Variants in RPH3A observed in about 807,000 individuals in gnomAD.
The protein encoded by RPH3A is rabphilin 3A, also known as rabphilin-3A.
RPH3A carries 48 observed loss-of-function variants against 102.2 expected under a neutral mutation model. The ratio of observed to expected loss-of-function variants is 0.47; its 90% confidence interval spans 0.37 to 0.60. RPH3A has a LOEUF of 0.60. Ranked by LOEUF, RPH3A falls within the 20% of genes least tolerant of loss-of-function variation. The pLI is 0.00. For missense variants in RPH3A, 781 were observed against 910.1 expected, an observed-to-expected ratio of 0.86 and a Z score of 1.83; for synonymous variants, 310 against 324.3, an observed-to-expected ratio of 0.96 and a Z score of 0.47.
At chr12:112,686,917 AGCCCAGAAGTTT>A (rs2040268894) in intron 1 of RPH3A, among the ~76,000 whole-genome samples, 1 of 152,084 alleles carries the variant, frequency 6.6e-6, no homozygotes, top group Middle Eastern at 3.2e-3. Flanking sequence ...GGATTGCTTG[AGCCCAGAAGTTT>A]GCGACACCGT....
intron 1 of RPH3A, among the ~76,000 whole-genome samples, chr12:112,715,854 G>T (rs1173395926): frequency 6.6e-6 from 1 of 152,172 alleles, no homozygotes; most frequent in African/African-American, 2.4e-5. Flanking sequence ...AGTCCTGAGG[G>T]CTGCTGGTTA....
intron 10 of RPH3A, among the ~76,000 whole-genome samples, chr12:112,872,363 T>C (rs2042723607): frequency 6.6e-6 from 1 of 152,226 alleles, no homozygotes; most frequent in Non-Finnish European, 1.5e-5. Context: ...GAGACACAGC[T>C]ATTCAAGTCC....
At chr12:112,604,984 T>A (rs892538955) in intron 1 of RPH3A, among the ~76,000 whole-genome samples, 4 of 152,222 alleles carry the variant, frequency 2.6e-5, no homozygotes, top group Non-Finnish European at 2.9e-5. Flanking sequence ...TGCTTTATTC[T>A]GTTTGGTAGA....
chr12:112,848,570 G>C (rs1327269178), intron 5 of RPH3A, among the ~76,000 whole-genome samples: 1 of 152,182 alleles, frequency 6.6e-6, no homozygotes, highest in Non-Finnish European at 1.5e-5. Context: ...TAAGACTCTT[G>C]TAAGTGTTGG....
chr12:112,789,160 A>AT (rs2041071366), upstream of RPH3A, among the ~76,000 whole-genome samples: 1 of 152,192 alleles, frequency 6.6e-6, no homozygotes, highest in Admixed American at 6.5e-5. Flanking sequence ...TCTGTCTCAA[A>AT]TAAAACAAAC....
chr12:112,680,606 C>T (rs1166209617), intron 1 of RPH3A, among the ~76,000 whole-genome samples: 1 of 152,146 alleles, frequency 6.6e-6, no homozygotes, highest in Non-Finnish European at 1.5e-5. Context: ...CATTCCCATC[C>T]CACCACCTCT....
intron 5 of RPH3A, among the ~76,000 whole-genome samples, chr12:112,848,488 G>A (rs1448388537): frequency 1.3e-5 from 2 of 152,128 alleles, no homozygotes; most frequent in Non-Finnish European, 2.9e-5. Context: ...TGGATCTTGG[G>A]CATGTTGCTT....
chr12:112,838,061 A>G (rs1194904393), intron 4 of RPH3A, among the ~76,000 whole-genome samples: 1 of 152,056 alleles, frequency 6.6e-6, no homozygotes, highest in Non-Finnish European at 1.5e-5. Context: ...CAACAAATAC[A>G]CTCTAGTATG....
At chr12:112,837,822 T>C in intron 4 of RPH3A, 2 of 455,804 alleles carry the variant, frequency 4.4e-6, no homozygotes, top group Non-Finnish European at 4.4e-6. Flanking sequence ...AGCATGTTCA[T>C]CCTCTTCCCC....
At position 112,859,223 on chromosome 12, in the gene RPH3A, G is replaced by C. The variant is rs2042467527; in HGVS notation, c.231-6191G>C. On this transcript the variant is annotated intron_variant, in intron 5 of 21. Transcript: ENST00000389385. ...TTCTGTCTCAGGATCTGAGAATCCG[G>C]AATGCTGCACATGAGAGGAAACTTG... Among the ~76,000 whole-genome samples the C allele has an allele frequency of 2.0e-5, 3 of 152,172 alleles. No individual in the cohort carries two copies. The South Asian group carries it at 6.2e-4, about 32-fold the overall frequency.
At chr12:112,687,089 G>A (rs983777119) in intron 1 of RPH3A, among the ~76,000 whole-genome samples, 7 of 152,224 alleles carry the variant, frequency 4.6e-5, no homozygotes, top group African/African-American at 1.7e-4. Context: ...CACCACTCCA[G>A]CCTGAGTGAC....
At chr12:112,867,781 G>A (rs1425980872) in intron 7 of RPH3A, among the ~76,000 whole-genome samples, 1 of 152,184 alleles carries the variant, frequency 6.6e-6, no homozygotes, top group East Asian at 1.9e-4. Flanking sequence ...TTTGCCCAGA[G>A]AACTCTTCAG....
At chr12:112,690,661 C>A (rs2040299559) in intron 1 of RPH3A, among the ~76,000 whole-genome samples, 1 of 152,116 alleles carries the variant, frequency 6.6e-6, no homozygotes, top group African/African-American at 2.4e-5. Context: ...TAAATATGGA[C>A]CAATCAATGT....
At chr12:112,877,350 A>G (rs371112628) in intron 13 of RPH3A, among the ~76,000 whole-genome samples, 1 of 152,080 alleles carries the variant, frequency 6.6e-6, no homozygotes, top group African/African-American at 2.4e-5. Context: ...TTGAATGCCT[A>G]CAATGTACCT....
intron 1 of RPH3A, among the ~76,000 whole-genome samples, chr12:112,719,787 C>T (rs1028513798): frequency 4.6e-5 from 7 of 152,130 alleles, no homozygotes; most frequent in African/African-American, 9.7e-5. Context: ...TGTGTTCTTA[C>T]GTTTGATTAA....
chr12:112,659,509 T>C (rs900045161), intron 1 of RPH3A, among the ~76,000 whole-genome samples: 4 of 152,214 alleles, frequency 2.6e-5, no homozygotes, highest in Non-Finnish European at 5.9e-5. Context: ...TTGCATCTTG[T>C]GGGGTGGCAC....
rs1555209147 is a variant in RPH3A, at chr12:112,791,867, G to GGGGAGAGAGAGAGAGAGAGA, written c.-284_-283insGGAGAGAGAGAGAGAGAGAG. 14 of 48,484 alleles carry GGGGAGAGAGAGAGAGAGAGA rather than the reference G, an allele frequency of 2.9e-4. No individual in the cohort carries two copies. Among genetic ancestry groups the GGGGAGAGAGAGAGAGAGAGA allele is most frequent in the African/African-American group, 8.6e-4 (9 of 10,408 alleles). The allele number at this position is 48,484 out of a possible 1,614,324, so 3.0% of individuals were successfully genotyped here. On this transcript the variant is annotated 5_prime_UTR_variant, in exon 1 of 22. Coordinates refer to ENST00000389385, the MANE Select transcript of RPH3A (RefSeq NM_001143854.2). ...CGCGGACTGGAAAGGAAGGGAGAAGGGAGAGAGAGAGAGAGAGAGAGAGAG... is the reference window on the plus strand; with the variant it reads ...CGCGGACTGGAAAGGAAGGGAGAAGGGGGAGAGAGAGAGAGAGAGAGAGAGAGAGAGAGAGAGAGAGAGAG...
At position 112,687,246 on chromosome 12, in the gene RPH3A, T is replaced by C. The variant is rs186804458; in HGVS notation, c.-139-104897T>C. Among the ~76,000 whole-genome samples, 1,058 of 152,358 alleles carry C rather than the reference T, an allele frequency of 6.9e-3. 8 individuals carry two copies. The highest frequency in any genetic ancestry group is 0.011 in the Non-Finnish European group (745 of 68,034). On this transcript the variant is annotated intron_variant, in intron 1 of 21. Transcript: ENST00000543106. Reference sequence around the variant, plus strand: ...AGGCAGTTGCTGGTATTGGTTCAGCTTTTCAATGGGGGATATCAAGGACCC... The same window carrying C: ...AGGCAGTTGCTGGTATTGGTTCAGCCTTTCAATGGGGGATATCAAGGACCC...
At chr12:112,801,574 G>A (rs1242433707) in intron 2 of RPH3A, among the ~76,000 whole-genome samples, 1 of 152,178 alleles carries the variant, frequency 6.6e-6, no homozygotes. Flanking sequence ...CCCGGAGGGG[G>A]ACTGTGGTTT....
Sources: allele counts gnomAD v4.1 joint callset (sites outside exome capture counted in the v4.1 genomes callset), GRCh38; gene constraint gnomAD v4.1.1; transcripts MANE v1.5; gene names NCBI Gene and HGNC (gene_info 2026-07-23, HGNC 2026-07-21).